NRXN1: variants seen among roughly 807,000 people sequenced by gnomAD.
NRXN1 encodes neurexin-1.
Under a neutral mutation model 150.9 loss-of-function variants are expected in NRXN1, and 39 were observed. That is an observed-to-expected ratio of 0.26 (90% CI 0.20 to 0.34). The LOEUF (loss-of-function observed/expected upper bound fraction) is 0.34. NRXN1 is among the 10% of genes least tolerant of loss of function. The probability of loss-of-function intolerance (pLI) is 1.00; values close to 1 mark genes in which losing one functional copy is unlikely to be tolerated. For missense variants in NRXN1, 1,815 were observed against 1,949.9 expected (o/e 0.93, Z 1.30); for synonymous variants, 924 against 757.0 (o/e 1.22, Z -3.62).
At chr2:50,592,086 A>G (rs1327946550) in intron 8 of NRXN1, among the ~76,000 whole-genome samples, 1 of 152,216 alleles carries the variant, frequency 6.6e-6, no homozygotes, top group Non-Finnish European at 1.5e-5. Flanking sequence ...TGTGTCAGTC[A>G]TCGTGCTTCA....
intron 21 of NRXN1, among the ~76,000 whole-genome samples, chr2:49,996,789 A>G (rs567993374): frequency 5.6e-4 from 85 of 152,282 alleles, no homozygotes; most frequent in Middle Eastern, 6.8e-3. Context: ...TAGACTTCCA[A>G]CCCCTAGAAC....
chr2:50,831,505 G>C (rs1266254855), intron 5 of NRXN1, among the ~76,000 whole-genome samples: 1 of 152,132 alleles, frequency 6.6e-6, no homozygotes, highest in Non-Finnish European at 1.5e-5. Context: ...GGGGGCTTGA[G>C]GGGCTTCTGA....
At chr2:49,934,956 A>G (rs1670771629) in intron 22 of NRXN1, among the ~76,000 whole-genome samples, 1 of 152,240 alleles carries the variant, frequency 6.6e-6, no homozygotes, top group African/African-American at 2.4e-5. Context: ...TTATGCTGAT[A>G]GAATTTAGAA....
chr2:50,422,455 T>C (rs777509719), intron 17 of NRXN1, among the ~76,000 whole-genome samples: 1 of 152,148 alleles, frequency 6.6e-6, no homozygotes, highest in Non-Finnish European at 1.5e-5. Flanking sequence ...ATTAGATATA[T>C]TTTACTCATT....
At chr2:50,298,539 T>C (rs1219874648) in intron 17 of NRXN1, among the ~76,000 whole-genome samples, 1 of 146,668 alleles carries the variant, frequency 6.8e-6, no homozygotes, top group South Asian at 2.2e-4. Flanking sequence ...TTTTTTTTTT[T>C]ATAGAACAAG....
At chr2:50,081,405 C>T (rs1370182706) in intron 19 of NRXN1, among the ~76,000 whole-genome samples, 4 of 150,580 alleles carry the variant, frequency 2.7e-5, no homozygotes, top group Non-Finnish European at 1.5e-5. Flanking sequence ...GGTGAAACCC[C>T]ATCCCTACTA....
chr2:50,027,557 C>T (rs1688551443), intron 21 of NRXN1, among the ~76,000 whole-genome samples: 1 of 152,106 alleles, frequency 6.6e-6, no homozygotes, highest in East Asian at 1.9e-4. Context: ...ATCCTCCCAA[C>T]TCAGCTCCTG....
chr2:50,987,612 A>G (rs966585485), intron 2 of NRXN1, among the ~76,000 whole-genome samples: 2 of 151,998 alleles, frequency 1.3e-5, no homozygotes, highest in Non-Finnish European at 2.9e-5. Context: ...CATGACCACT[A>G]AAGTATAACA....
chr2:50,125,013 T>A (rs1281881328), intron 18 of NRXN1, among the ~76,000 whole-genome samples: 1 of 152,154 alleles, frequency 6.6e-6, no homozygotes, highest in Non-Finnish European at 1.5e-5. Context: ...TAGATATGTA[T>A]GTAAGTAATA....
At chr2:50,163,600 G>C (rs544955000) in intron 18 of NRXN1, among the ~76,000 whole-genome samples, 5 of 152,094 alleles carry the variant, frequency 3.3e-5, no homozygotes, top group Admixed American at 2.6e-4. Context: ...TTACAGTTAA[G>C]GATTGACAAC....
chr2:50,974,512 C>A (rs1695520322), intron 2 of NRXN1, among the ~76,000 whole-genome samples: 1 of 152,070 alleles, frequency 6.6e-6, no homozygotes. Context: ...AAATTGCTGA[C>A]CATCTTGTCT....
At chr2:50,587,059 G>A (rs142030266) in intron 8 of NRXN1, among the ~76,000 whole-genome samples, 1 of 152,262 alleles carries the variant, frequency 6.6e-6, no homozygotes, top group Admixed American at 6.5e-5. Flanking sequence ...ATGCAATCTT[G>A]TCTCTACCCA....
Position 50,157,549 on chromosome 2 carries a change from G to T in NRXN1, c.3547-66055C>A, listed in dbSNP as rs143546115. 7.1e-3 allele frequency among the ~76,000 whole-genome samples: 1,084 copies of T among 152,062 alleles called. 10 individuals carry two copies. Among genetic ancestry groups the T allele is most frequent in the African/African-American group, 0.024 (988 of 41,498 alleles). ...TAATATAGGACTTACACACTCAGAGGCAGATGCTGAATAAATGCCCTGAGC... is the reference window on the plus strand; with the variant it reads ...TAATATAGGACTTACACACTCAGAGTCAGATGCTGAATAAATGCCCTGAGC... On this transcript the variant is annotated intron_variant, in intron 18 of 22. Coordinates refer to ENST00000401669, the MANE Select transcript of NRXN1 (RefSeq NM_001330078.2).
At chr2:50,117,533 A>G (rs2152732115) in intron 18 of NRXN1, among the ~76,000 whole-genome samples, 1 of 152,318 alleles carries the variant, frequency 6.6e-6, no homozygotes, top group Non-Finnish European at 1.5e-5. Context: ...TGTTTTTAAT[A>G]AAGCCTATAA....
chr2:50,480,009 G>C (rs1283135347), intron 15 of NRXN1, among the ~76,000 whole-genome samples: 2 of 152,034 alleles, frequency 1.3e-5, no homozygotes, highest in African/African-American at 2.4e-5. Context: ...CCTGACCTCA[G>C]ATATCCGCCC....
At chr2:50,861,113 G>C (rs1446059983) in intron 5 of NRXN1, among the ~76,000 whole-genome samples, 1 of 152,040 alleles carries the variant, frequency 6.6e-6, no homozygotes, top group Non-Finnish European at 1.5e-5. Context: ...TGCCAAGTTA[G>C]ATGAGTCCCA....
At chr2:50,500,695 C>T (rs1269741580) in intron 13 of NRXN1, among the ~76,000 whole-genome samples, 2 of 152,142 alleles carry the variant, frequency 1.3e-5, no homozygotes, top group Admixed American at 1.3e-4. Flanking sequence ...CAATAATCTC[C>T]AACAAGACAA....
intron 5 of NRXN1, among the ~76,000 whole-genome samples, chr2:50,635,746 T>G (rs1255872690): frequency 6.6e-6 from 1 of 152,204 alleles, no homozygotes; most frequent in African/African-American, 2.4e-5. Context: ...GACCTATCCG[T>G]CACTGCTTAG....
At chr2:50,069,507 C>G (rs1350552186) in intron 19 of NRXN1, among the ~76,000 whole-genome samples, 1 of 152,162 alleles carries the variant, frequency 6.6e-6, no homozygotes, top group Non-Finnish European at 1.5e-5. Context: ...TTTAACTCAG[C>G]AAATATCTTT....
Sources: gnomAD v4.1 joint callset for allele counts (sites outside exome capture counted in the v4.1 genomes callset) on GRCh38, gnomAD v4.1.1 for gene constraint, MANE v1.5 for transcripts, NCBI Gene and HGNC (gene_info 2026-07-23, HGNC 2026-07-21) for gene names.